Variants in GPC6 observed in about 807,000 individuals in gnomAD.
GPC6 encodes the protein glypican 6.
GPC6 carries 14 observed loss-of-function variants against 55.2 expected under a neutral mutation model. The observed-to-expected ratio is 0.25, with a 90% CI of 0.17 to 0.40. GPC6 has a LOEUF of 0.40. Ranked by LOEUF, GPC6 falls within the 10% of genes least tolerant of loss-of-function variation. The pLI, the probability that GPC6 is intolerant of heterozygous loss-of-function variation, is 1.00. For missense variants in GPC6, 641 were observed against 708.5 expected (o/e 0.90, Z 1.08); for synonymous variants, 278 against 259.6 (o/e 1.07, Z -0.68).
At chr13:93,846,405 A>C (rs1440362216) in intron 3 of GPC6, among the ~76,000 whole-genome samples, 1 of 152,214 alleles carries the variant, frequency 6.6e-6, no homozygotes, top group Admixed American at 6.5e-5. Flanking sequence ...AATATTCCAC[A>C]CTGCTTCACC....
At chr13:94,026,672 G>A (rs951554728) in intron 3 of GPC6, among the ~76,000 whole-genome samples, 5 of 152,050 alleles carry the variant, frequency 3.3e-5, no homozygotes, top group Non-Finnish European at 5.9e-5. Flanking sequence ...AGCACTGCCC[G>A]AGAGTATAAT....
At chr13:93,482,443 G>A (rs1007567919) in intron 1 of GPC6, among the ~76,000 whole-genome samples, 9 of 151,986 alleles carry the variant, frequency 5.9e-5, no homozygotes, top group Non-Finnish European at 1.0e-4. Flanking sequence ...CAACTAATTC[G>A]TTGTTTCTCC....
At chr13:93,636,929 T>G (rs1879725509) in intron 2 of GPC6, among the ~76,000 whole-genome samples, 1 of 70,306 alleles carries the variant, frequency 1.4e-5, no homozygotes, top group African/African-American at 5.9e-5. Context: ...ATGGTATAGT[T>G]TTTTTTTTTT....
At chr13:93,228,451 C>T (rs929582223) in intron 1 of GPC6, among the ~76,000 whole-genome samples, 10 of 152,174 alleles carry the variant, frequency 6.6e-5, no homozygotes, top group Admixed American at 1.3e-4. Context: ...CCCGCATGCC[C>T]GGCCACTGGC....
intron 1 of GPC6, among the ~76,000 whole-genome samples, chr13:93,535,821 C>CCA (rs1401260810): frequency 6.6e-6 from 1 of 151,906 alleles, no homozygotes; most frequent in Non-Finnish European, 1.5e-5. Flanking sequence ...TTCAGTTATC[C>CCA]CACAGCCTTC....
At chr13:94,257,779 C>T (rs1466805936) in intron 4 of GPC6, among the ~76,000 whole-genome samples, 2 of 152,058 alleles carry the variant, frequency 1.3e-5, no homozygotes, top group Non-Finnish European at 2.9e-5. Context: ...ACTGCAACCG[C>T]CCTGGCAAAA....
At position 94,404,702 on chromosome 13, in the gene GPC6, A is replaced by G. The variant is rs1374303750; in HGVS notation, c.*1485A>G. On this transcript the variant is annotated 3_prime_UTR_variant, in exon 9 of 9. Transcript: ENST00000377047. ...GTGATGGAAACTGTATGTGTAAAGA[A>G]TGTTATTCATGAAAAACCATTGCTT... The G allele has an allele frequency of 2.0e-5, 3 of 152,220 alleles. No homozygotes were observed. Among genetic ancestry groups the G allele is most frequent in the Non-Finnish European group, 4.4e-5 (3 of 68,046 alleles). 9.4% of individuals were successfully genotyped at this position (152,220 alleles called of 1,614,324 possible).
chr13:93,745,810 TAAG>T (rs541902753), intron 2 of GPC6, among the ~76,000 whole-genome samples: 5 of 152,332 alleles, frequency 3.3e-5, no homozygotes, highest in South Asian at 2.1e-4. Flanking sequence ...CTTCTGATGA[TAAG>T]AAGAAGAAGA....
At chr13:93,251,382 A>C (rs1354053126) in intron 1 of GPC6, among the ~76,000 whole-genome samples, 1 of 152,204 alleles carries the variant, frequency 6.6e-6, no homozygotes, top group African/African-American at 2.4e-5. Flanking sequence ...TAAGGAAATA[A>C]ATGATTTAAG....
intron 2 of GPC6, among the ~76,000 whole-genome samples, chr13:93,789,608 T>TATAATACTACATATATATATAATACTAC (rs369792170): frequency 3.0e-5 from 1 of 33,070 alleles, no homozygotes; most frequent in African/African-American, 1.5e-4. Flanking sequence ...CATATATATA[T>TATAATACTACATATATATATAATACTAC]ATATATATAT....
At chr13:94,011,752 A>G (rs1882255058) in intron 3 of GPC6, among the ~76,000 whole-genome samples, 1 of 152,170 alleles carries the variant, frequency 6.6e-6, no homozygotes, top group East Asian at 1.9e-4. Flanking sequence ...TTATTCATGA[A>G]GTCAGTTCTG....
chr13:93,492,706 A>G (rs1243855777), intron 1 of GPC6, among the ~76,000 whole-genome samples: 1 of 151,298 alleles, frequency 6.6e-6, no homozygotes, highest in Non-Finnish European at 1.5e-5. Flanking sequence ...ATCAAGACCT[A>G]ATTTACTGAG....
intron 2 of GPC6, among the ~76,000 whole-genome samples, chr13:93,705,497 C>T (rs1308501707): frequency 1.3e-5 from 2 of 151,786 alleles, no homozygotes; most frequent in Admixed American, 6.6e-5. Context: ...TGAGAAAATT[C>T]GTCTTCAGCA....
chr13:93,536,521 T>G (rs949252803), intron 1 of GPC6, among the ~76,000 whole-genome samples: 1 of 152,176 alleles, frequency 6.6e-6, no homozygotes, highest in Non-Finnish European at 1.5e-5. Context: ...TTATTTTGCT[T>G]AACATAATGT....
At chr13:93,258,949 C>G (rs142663039) in intron 1 of GPC6, among the ~76,000 whole-genome samples, 1 of 151,750 alleles carries the variant, frequency 6.6e-6, no homozygotes, top group Non-Finnish European at 1.5e-5. Flanking sequence ...GACACTGTCT[C>G]GAAAAATGAA....
intron 3 of GPC6, among the ~76,000 whole-genome samples, chr13:93,989,930 A>G (rs575086207): frequency 1.4e-3 from 144 of 103,352 alleles, no homozygotes; most frequent in South Asian, 3.1e-3. Flanking sequence ...ATATATATAT[A>G]TGTATATATA....
chr13:93,875,461 A>C (rs1467911336), intron 3 of GPC6, among the ~76,000 whole-genome samples: 3 of 152,018 alleles, frequency 2.0e-5, no homozygotes, highest in Admixed American at 6.6e-5. Context: ...GATCAATTCA[A>C]ATGATCCAGA....
At chr13:93,654,579 C>CA (rs1213718320) in intron 2 of GPC6, among the ~76,000 whole-genome samples, 1 of 152,104 alleles carries the variant, frequency 6.6e-6, no homozygotes, top group African/African-American at 2.4e-5. Context: ...CCACCCGCCT[C>CA]AGCCTCTCAA....
rs552176281 is a variant in GPC6 at position 94,372,565 on chromosome 13, G to A, written c.1153-9849G>A. 1.1e-4 allele frequency among the ~76,000 whole-genome samples: 16 copies of A among 150,684 alleles called. No individual in the cohort carries two copies. In the South Asian group the frequency reaches 2.9e-3, roughly 28 times the overall value. On this transcript the variant is annotated intron_variant, in intron 6 of 8. Transcript: ENST00000377047. ...CCGCACCTGGCTCGGAGGGTCCTACGCCCACGGAGTCTCGCTGATTGCTAG... is the reference window on the plus strand; with the variant it reads ...CCGCACCTGGCTCGGAGGGTCCTACACCCACGGAGTCTCGCTGATTGCTAG...
Sources: allele counts gnomAD v4.1 joint callset (sites outside exome capture counted in the v4.1 genomes callset), GRCh38; gene constraint gnomAD v4.1.1; transcripts MANE v1.5; gene names NCBI Gene and HGNC (gene_info 2026-07-23, HGNC 2026-07-21).